Variants in DISC1 observed in about 807,000 individuals in gnomAD.
DISC1 encodes the protein disrupted in schizophrenia 1 protein.
DISC1 carries 57 observed loss-of-function variants against 84.5 expected under a neutral mutation model. The ratio of observed to expected loss-of-function variants is 0.67; its 90% CI spans 0.55 to 0.84. The LOEUF is 0.84. DISC1 is among the 40% of genes least tolerant of loss of function. DISC1 has a pLI of 0.00. For synonymous variants in DISC1, 411 were observed against 415.2 expected, an observed-to-expected ratio of 0.99 and a Z score of 0.12; for missense variants, 1,000 against 1,057.8, an observed-to-expected ratio of 0.95 and a Z score of 0.76.
chr1:231,705,205 T>C (rs1438971585), intron 3 of DISC1, among the ~76,000 whole-genome samples: 4 of 145,752 alleles, frequency 2.7e-5, no homozygotes, highest in African/African-American at 1.0e-4. Context: ...GGAGAATCGC[T>C]TGAACCCGGG....
At chr1:231,769,565 T>C (rs2076403651) in intron 5 of DISC1, among the ~76,000 whole-genome samples, 13 of 152,140 alleles carry the variant, frequency 8.5e-5, no homozygotes, top group Admixed American at 8.5e-4. Context: ...GGAGTCAAAT[T>C]CATAGAGAAA....
intron 3 of DISC1, among the ~76,000 whole-genome samples, chr1:231,713,680 G>GATATATATATATAT (rs1200959736): frequency 4.1e-5 from 5 of 120,804 alleles, no homozygotes; most frequent in African/African-American, 1.7e-4. Context: ...TCATGAAGCA[G>GATATATATATATAT]ATATATATAT....
intron 9 of DISC1, among the ~76,000 whole-genome samples, chr1:231,877,182 T>A (rs2085945521): frequency 6.6e-6 from 1 of 152,222 alleles, no homozygotes; most frequent in Non-Finnish European, 1.5e-5. Context: ...CACCTACCAT[T>A]CTCAGGGGTG....
At chr1:231,762,168 TTTCC>T (rs1405023151) in intron 4 of DISC1, among the ~76,000 whole-genome samples, 26 of 136,076 alleles carry the variant, frequency 1.9e-4, no homozygotes, top group African/African-American at 6.4e-4. Context: ...TCTTTCTTTC[TTTCC>T]CTTCCTTCCT....
rs749258461 is a variant in DISC1 at position 231,800,167 on chromosome 1, C to T, written c.1749C>T (p.Thr583=). 16 of 1,611,778 alleles carry T rather than the reference C, an allele frequency of 9.9e-6. No individual in the cohort carries two copies. The highest frequency in any genetic ancestry group is 1.4e-5 in the Non-Finnish European group (16 of 1,179,654). The change falls in exon 8 of 13, where the codon ACC becomes ACT. Residue 583 remains threonine, a synonymous_variant. Coordinates refer to ENST00000439617, the MANE Select transcript of DISC1 (RefSeq NM_018662.3). ...GGAAGAAAGTTAACGATATTGAAAC[C>T]CAACTACCAGCCTTGCTTGAAGCCA... ...TLRKKVNDIE[T]QLPALLEAKM...
In DISC1 at chr1:231,826,173, G is replaced by A. The variant is rs114615766; in HGVS notation, c.1981+7656G>A. Among the ~76,000 whole-genome samples the A allele has an allele frequency of 1.4e-3, 213 of 152,298 alleles. No homozygotes were observed. Among genetic ancestry groups the A allele is most frequent in the African/African-American group, 4.9e-3 (204 of 41,582 alleles). Reference sequence around the variant, plus strand: ...GCTCCACTGGAATCTCTGTTTTACCGATGAAGAAGCTGAGGTTTAGGAAGG... The same window carrying A: ...GCTCCACTGGAATCTCTGTTTTACCAATGAAGAAGCTGAGGTTTAGGAAGG... On this transcript the variant is annotated intron_variant, in intron 9 of 12. Coordinates refer to ENST00000439617, the MANE Select transcript of DISC1 (RefSeq NM_018662.3). This position sits in a 1 kb window ranked among gnomAD's most constrained non-coding sequence, Gnocchi z 4.2.
At chr1:231,639,145 G>A (rs372638768) in intron 1 of DISC1, among the ~76,000 whole-genome samples, 1 of 152,082 alleles carries the variant, frequency 6.6e-6, no homozygotes, top group Admixed American at 6.6e-5. Flanking sequence ...TTAGAAAGAG[G>A]AGCACAAGGC....
At chr1:231,653,697 A>G (rs2060825148) in intron 1 of DISC1, among the ~76,000 whole-genome samples, 1 of 152,140 alleles carries the variant, frequency 6.6e-6, no homozygotes, top group Non-Finnish European at 1.5e-5. Flanking sequence ...CACCCCTCCC[A>G]GAGTGAGGGA....
intron 6 of DISC1, chr1:231,774,726 G>A: frequency 4.4e-6 from 2 of 456,022 alleles, no homozygotes; most frequent in Non-Finnish European, 8.8e-6. Flanking sequence ...TGAGAAGGAA[G>A]ATATGTCTTT....
chr1:231,776,762 A>G (rs893766469), intron 6 of DISC1, among the ~76,000 whole-genome samples: 3 of 152,208 alleles, frequency 2.0e-5, no homozygotes, highest in African/African-American at 7.2e-5. Flanking sequence ...AAAAAAATCA[A>G]TAGTTCCTCT....
chr1:231,850,290 C>T (rs371285394), intron 9 of DISC1, among the ~76,000 whole-genome samples: 6 of 152,294 alleles, frequency 3.9e-5, no homozygotes, highest in South Asian at 2.1e-4. Context: ...AGGGAACAGA[C>T]GGAGGCGTGA....
chr1:231,692,264 T>C (rs2065132926), intron 1 of DISC1, among the ~76,000 whole-genome samples: 1 of 152,214 alleles, frequency 6.6e-6, no homozygotes, highest in Admixed American at 6.5e-5. Context: ...TCATGGTCCC[T>C]GCTTCCATTC....
intron 7 of DISC1, among the ~76,000 whole-genome samples, chr1:231,797,553 G>C (rs2078856469): frequency 6.6e-6 from 1 of 152,096 alleles, no homozygotes; most frequent in South Asian, 2.1e-4. Flanking sequence ...GGGCAAGGCG[G>C]GGTCTCTGGG....
At chr1:232,034,535 C>A (rs894242671) in intron 12 of DISC1, among the ~76,000 whole-genome samples, 2 of 152,198 alleles carry the variant, frequency 1.3e-5, no homozygotes, top group African/African-American at 4.8e-5. Flanking sequence ...CTTCTCACTC[C>A]TTATTTTTAA....
intron 6 of DISC1, among the ~76,000 whole-genome samples, chr1:231,790,845 A>G (rs2078293908): frequency 6.6e-6 from 1 of 152,160 alleles, no homozygotes; most frequent in South Asian, 2.1e-4. Flanking sequence ...TAATGATACC[A>G]GTCATATTGG....
rs923920946 is a variant in DISC1 at position 231,675,600 on chromosome 1, A to G, written c.68-18226A>G. On this transcript the variant is annotated intron_variant, in intron 1 of 12. Transcript: ENST00000439617. The surrounding 1 kb of genome is among the most constrained non-coding windows in gnomAD (Gnocchi z 4.1). ...TGGCTGAGAGACCCTAGAAGGTACC[A>G]GTGTACCACTGGGCCGCATCCTTAA... Among the ~76,000 whole-genome samples the G allele has an allele frequency of 1.3e-5, 2 of 152,134 alleles. No homozygotes were observed. Among genetic ancestry groups the G allele is most frequent in the African/African-American group, 2.4e-5 (1 of 41,420 alleles).
At chr1:231,872,668 TA>T (rs990864946) in intron 9 of DISC1, among the ~76,000 whole-genome samples, 1,822 of 146,854 alleles carry the variant, frequency 0.012, 23 homozygotes, top group African/African-American at 0.04. Context: ...CATCTGTTCT[TA>T]AAAAAAAAAA....
chr1:231,754,002 ACCT>A (rs1353673967), intron 4 of DISC1, among the ~76,000 whole-genome samples: 2 of 152,096 alleles, frequency 1.3e-5, no homozygotes, highest in African/African-American at 4.8e-5. Context: ...TCCATCTGAG[ACCT>A]CATGAGCCTG....
At chr1:231,866,702 A>G in intron 9 of DISC1, 1 of 1,361,260 alleles carries the variant, frequency 7.3e-7, no homozygotes, top group Non-Finnish European at 9.5e-7. Context: ...AAAAGAAAAA[A>G]AGAAAAGAAA....
Sources: allele counts gnomAD v4.1 joint callset (sites outside exome capture counted in the v4.1 genomes callset), GRCh38; gene constraint gnomAD v4.1.1; non-coding constraint Gnocchi (gnomAD v3.1); transcripts MANE v1.5; gene names NCBI Gene and HGNC (gene_info 2026-07-23, HGNC 2026-07-21).